Variants in GNB1 observed in about 807,000 individuals in gnomAD.
The protein encoded by GNB1 is guanine nucleotide-binding protein G(I)/G(S)/G(T) subunit beta-1.
In GNB1, 2 loss-of-function variants were observed where a neutral mutation model predicts 42.9. The observed-to-expected ratio is 0.05, with a 90% CI of 0.02 to 0.15. GNB1 has a LOEUF of 0.15. GNB1 is among the 10% of genes least tolerant of loss of function. GNB1 has a pLI of 1.00. For synonymous variants in GNB1, 183 were observed against 174.7 expected, an observed-to-expected ratio of 1.05 and a Z score of -0.38; for missense variants, 193 against 462.2, an observed-to-expected ratio of 0.42 and a Z score of 5.34.
chr1:1,809,248 C>T (rs920628180), intron 5 of GNB1, among the ~76,000 whole-genome samples: 3 of 146,634 alleles, frequency 2.0e-5, no homozygotes, highest in Admixed American at 6.9e-5. Flanking sequence ...GGCTGGAGCT[C>T]GCTGCAACCT....
chr1:1,801,262 A>C lies in GNB1; in HGVS notation c.430+3157T>G, dbSNP rs181515962. Among the ~76,000 whole-genome samples, 32 of 152,338 alleles carry C rather than the reference A, an allele frequency of 2.1e-4. No individual in the cohort carries two copies. In the East Asian group the frequency reaches 6.0e-3, roughly 28 times the overall value. On this transcript the variant is annotated intron_variant, in intron 7 of 11. Transcript: ENST00000378609. The stretch of plus-strand genomic sequence containing the variant: ...AGGCTGATCTCAAACTCCTGGCCTC[A>C]GGTGATCTGCTTGCCTCGGCCTCCC...
intron 5 of GNB1, among the ~76,000 whole-genome samples, chr1:1,807,032 G>A (rs1303408495): frequency 6.6e-6 from 1 of 151,978 alleles, no homozygotes; most frequent in African/African-American, 2.4e-5. Context: ...TTCAAAGCAT[G>A]AACAAAAACA....
intron 2 of GNB1, among the ~76,000 whole-genome samples, chr1:1,837,811 C>T (rs1017289060): frequency 6.6e-6 from 1 of 151,854 alleles, no homozygotes; most frequent in Non-Finnish European, 1.5e-5. Flanking sequence ...GATCTGCCCA[C>T]CTTGGCCTCC....
In GNB1 at chr1:1,878,219, C is replaced by T. The variant is rs1277330167; in HGVS notation, c.-96+12601G>A. Among the ~76,000 whole-genome samples, 3 of 152,216 alleles carry T rather than the reference C, an allele frequency of 2.0e-5. No individual in the cohort carries two copies. The East Asian group carries it at 5.8e-4, about 29-fold the overall frequency. On this transcript the variant is annotated intron_variant, in intron 1 of 11. Coordinates refer to ENST00000378609, the MANE Select transcript of GNB1 (RefSeq NM_002074.5). ...AAGAAAGATACCCAACAAATGCGAG[C>T]TAATGGCACAGGCATCTTCAACAGG... is the stretch of plus-strand genomic sequence containing the variant.
chr1:1,878,455 C>T (rs1649666397), intron 1 of GNB1, among the ~76,000 whole-genome samples: 1 of 152,174 alleles, frequency 6.6e-6, no homozygotes, highest in African/African-American at 2.4e-5. Flanking sequence ...GCTTCTCCTG[C>T]CTGGAACCCT....
chr1:1,839,918 G>A (rs1647202521), intron 1 of GNB1, among the ~76,000 whole-genome samples: 1 of 152,004 alleles, frequency 6.6e-6, no homozygotes, highest in Non-Finnish European at 1.5e-5. Flanking sequence ...ACTTTGGGAG[G>A]CTGAGGTGGG....
intron 7 of GNB1, among the ~76,000 whole-genome samples, chr1:1,796,345 G>C (rs1646546309): frequency 6.6e-6 from 1 of 152,200 alleles, no homozygotes; most frequent in Non-Finnish European, 1.5e-5. Context: ...GGGCCTTCTG[G>C]CCAAGAGGCC....
chr1:1,811,781 A>G lies in GNB1; in HGVS notation c.203+3975T>C, dbSNP rs559701126. Among the ~76,000 whole-genome samples the G allele has an allele frequency of 3.3e-5, 5 of 149,752 alleles. No individual in the cohort carries two copies. The South Asian group carries it at 8.5e-4, about 25-fold the overall frequency. On this transcript the variant is annotated intron_variant, in intron 5 of 11. Coordinates refer to ENST00000378609, the MANE Select transcript of GNB1 (RefSeq NM_002074.5). ...AAACACAGTTAAAGGAATGGTATTC[A>G]TAGGCCAGACGCAGTGGCTCACGCC...
At chr1:1,867,697 T>C (rs1207387667) in intron 1 of GNB1, among the ~76,000 whole-genome samples, 2 of 152,226 alleles carry the variant, frequency 1.3e-5, no homozygotes, top group African/African-American at 4.8e-5. Flanking sequence ...TTTCCTGCCT[T>C]TGAACTATAG....
intron 5 of GNB1, among the ~76,000 whole-genome samples, chr1:1,810,563 C>T (rs1478102657): frequency 6.7e-6 from 1 of 149,920 alleles, no homozygotes; most frequent in Non-Finnish European, 1.5e-5. Context: ...AAAAAAGTTG[C>T]CTTTTAGTAC....
At chr1:1,877,876 T>A (rs775733340) in intron 1 of GNB1, among the ~76,000 whole-genome samples, 1 of 152,168 alleles carries the variant, frequency 6.6e-6, no homozygotes, top group Non-Finnish European at 1.5e-5. Context: ...TTTGAAGGTA[T>A]AATAGAGTAG....
intron 1 of GNB1, among the ~76,000 whole-genome samples, chr1:1,854,972 A>C (rs1267481415): frequency 6.6e-6 from 1 of 152,138 alleles, no homozygotes; most frequent in South Asian, 2.1e-4. Flanking sequence ...CAGCCTGGCC[A>C]AGATGGTGAA....
chr1:1,814,812 A>G (rs1025343440), intron 5 of GNB1, among the ~76,000 whole-genome samples: 5 of 124,704 alleles, frequency 4.0e-5, no homozygotes, highest in African/African-American at 1.1e-4. Context: ...AAAAAAAAAA[A>G]AAAAAAAAGA....
At chr1:1,854,366 C>T (rs1648151083) in intron 1 of GNB1, among the ~76,000 whole-genome samples, 1 of 152,196 alleles carries the variant, frequency 6.6e-6, no homozygotes, top group Non-Finnish European at 1.5e-5. Flanking sequence ...ACTGACAAAG[C>T]CTGCCACTTC....
At chr1:1,875,152 A>G (rs1245273424) in intron 1 of GNB1, among the ~76,000 whole-genome samples, 2 of 151,036 alleles carry the variant, frequency 1.3e-5, no homozygotes, top group South Asian at 2.1e-4. Context: ...ACCACAGCCC[A>G]GGAGTTGGGG....
In GNB1 at chr1:1,828,928, T is replaced by C. The variant is rs1191327805; in HGVS notation, c.-46-3429A>G. 2.0e-5 allele frequency among the ~76,000 whole-genome samples: 3 copies of C among 152,006 alleles called. No homozygotes were observed. In the East Asian group the frequency reaches 5.8e-4, roughly 29 times the overall value. ...ACACACACACAATTTTTGTTAGCAA[T>C]AAAAATAAATTTCCTGGTCAGGCCC... On this transcript the variant is annotated intron_variant, in intron 2 of 11. Transcript: ENST00000378609.
chr1:1,867,295 G>C (rs1046103105), intron 1 of GNB1, among the ~76,000 whole-genome samples: 3 of 152,178 alleles, frequency 2.0e-5, no homozygotes, highest in African/African-American at 4.8e-5. Context: ...TTACAAATTT[G>C]TGTTGGGCTG....
At chr1:1,803,682 T>C (rs1646656057) in intron 7 of GNB1, among the ~76,000 whole-genome samples, 1 of 152,084 alleles carries the variant, frequency 6.6e-6, no homozygotes, top group Non-Finnish European at 1.5e-5. Flanking sequence ...TTTGAACCAG[T>C]CTCATTTAAT....
chr1:1,809,569 C>A (rs1204404047), intron 5 of GNB1, among the ~76,000 whole-genome samples: 1 of 152,192 alleles, frequency 6.6e-6, no homozygotes, highest in African/African-American at 2.4e-5. Flanking sequence ...TTCTGCCCAG[C>A]CCTTCTGAGA....
Sources: allele counts gnomAD v4.1 joint callset (sites outside exome capture counted in the v4.1 genomes callset), GRCh38; gene constraint gnomAD v4.1.1; transcripts MANE v1.5; gene names NCBI Gene and HGNC (gene_info 2026-07-23, HGNC 2026-07-21).